The following SORCS2 variants were observed in gnomAD, a reference collection of about 807,000 sequenced individuals.
SORCS2 encodes VPS10 domain-containing receptor SorCS2.
Under a neutral mutation model 141.6 loss-of-function variants are expected in SORCS2, and 100 were observed. That is an observed-to-expected ratio of 0.71 (90% CI 0.60 to 0.83). The LOEUF (loss-of-function observed/expected upper bound fraction) is 0.83, where lower values mean the gene tolerates loss of function less well. Among genes scored for constraint, SORCS2 ranks in the 40% least tolerant of loss-of-function variants. The probability of loss-of-function intolerance (pLI) is 0.00; values close to 1 mark genes in which losing one functional copy is unlikely to be tolerated. For synonymous variants in SORCS2, 789 were observed against 676.9 expected (o/e 1.17, Z -2.57); for missense variants, 1,646 against 1,560.2 (o/e 1.05, Z -0.93).
At chr4:7,654,273 C>A in intron 5 of SORCS2, 66 bp downstream of exon 5, 2 of 1,478,852 alleles carry the variant, frequency 1.4e-6, no homozygotes, top group African/African-American at 1.4e-5. Context: ...TTCCCCCAAA[C>A]CCTTGGGAGC....
chr4:7,194,914 A>G (rs1727078978), intron 1 of SORCS2, among the ~76,000 whole-genome samples: 1 of 152,164 alleles, frequency 6.6e-6, no homozygotes, highest in South Asian at 2.1e-4. Context: ...TTTGTCATTT[A>G]GCTTCCTGGG....
At chr4:7,426,830 G>C (rs1030088678) in intron 2 of SORCS2, among the ~76,000 whole-genome samples, 3 of 152,210 alleles carry the variant, frequency 2.0e-5, no homozygotes, top group Admixed American at 6.5e-5. Context: ...AGTGAAGCCC[G>C]TGTTTCTCTG....
chr4:7,709,924 C>G (rs80353015), intron 14 of SORCS2, among the ~76,000 whole-genome samples: 11,606 of 152,172 alleles, frequency 0.076, 586 homozygotes, highest in East Asian at 0.27. Flanking sequence ...CCCCTCGCAG[C>G]GTGGCCCATT....
At chr4:7,698,482 C>T (rs900950444) in intron 12 of SORCS2, among the ~76,000 whole-genome samples, 40 of 152,222 alleles carry the variant, frequency 2.6e-4, no homozygotes, top group African/African-American at 9.2e-4. Context: ...TTCACTAAAA[C>T]TAGTGAAACA....
At chr4:7,690,390 T>C (rs1724158222) in intron 11 of SORCS2, among the ~76,000 whole-genome samples, 1 of 148,028 alleles carries the variant, frequency 6.8e-6, no homozygotes, top group Admixed American at 6.8e-5. Context: ...GAATGATGGA[T>C]AGATGCTGAA....
intron 11 of SORCS2, among the ~76,000 whole-genome samples, chr4:7,693,409 G>A (rs888216024): frequency 4.7e-4 from 71 of 152,148 alleles, no homozygotes; most frequent in African/African-American, 1.5e-3. Context: ...GCAGGTCCTC[G>A]GGTTCCTGCT....
intron 1 of SORCS2, among the ~76,000 whole-genome samples, chr4:7,387,729 C>T (rs993981700): frequency 5.8e-4 from 87 of 150,118 alleles, no homozygotes; most frequent in Admixed American, 1.1e-3. Flanking sequence ...CACACATACA[C>T]ATTTGCACAC....
chr4:7,270,231 C>T (rs1365648968), intron 1 of SORCS2, among the ~76,000 whole-genome samples: 2 of 152,264 alleles, frequency 1.3e-5, no homozygotes, highest in Non-Finnish European at 2.9e-5. Flanking sequence ...GGGGATGCTA[C>T]CTGTGAACGG....
At chr4:7,638,167 T>C (rs1352949894) in intron 3 of SORCS2, among the ~76,000 whole-genome samples, 161 bp from the exon 4 acceptor site, 1 of 152,158 alleles carries the variant, frequency 6.6e-6, no homozygotes, top group African/African-American at 2.4e-5. Context: ...TCCTCCCTGG[T>C]ATCAGGAGGT....
At chr4:7,659,289 G>GA (rs1215109826) in intron 5 of SORCS2, among the ~76,000 whole-genome samples, 212 of 138,502 alleles carry the variant, frequency 1.5e-3, no homozygotes, top group Admixed American at 4.8e-3. Flanking sequence ...AAAAAAAAAA[G>GA]AAAAAAAAAA....
chr4:7,262,261 TC>T (rs1318347721), intron 1 of SORCS2, among the ~76,000 whole-genome samples: 1 of 143,434 alleles, frequency 7.0e-6, no homozygotes, highest in Non-Finnish European at 1.5e-5. Flanking sequence ...CACCCACCTA[TC>T]CATCCACCCA....
chr4:7,253,350 T>G (rs1207920362), intron 1 of SORCS2, among the ~76,000 whole-genome samples: 1 of 152,224 alleles, frequency 6.6e-6, no homozygotes, highest in Non-Finnish European at 1.5e-5. Context: ...CCTGTGTCCC[T>G]GCCTGCCTCT....
chr4:7,629,583 T>G (rs1719747229), intron 3 of SORCS2, among the ~76,000 whole-genome samples: 1 of 138,230 alleles, frequency 7.2e-6, no homozygotes, highest in African/African-American at 2.7e-5. Flanking sequence ...CCCCACCCGC[T>G]GATCTCTGCA....
chr4:7,533,816 T>A (rs1711865330), intron 3 of SORCS2, among the ~76,000 whole-genome samples: 2 of 152,320 alleles, frequency 1.3e-5, no homozygotes, highest in South Asian at 4.2e-4. Context: ...CTCAGTTTCC[T>A]GGCCTGTAAA....
intron 3 of SORCS2, among the ~76,000 whole-genome samples, chr4:7,547,308 G>A (rs556724175): frequency 6.6e-6 from 1 of 152,210 alleles, no homozygotes; most frequent in African/African-American, 2.4e-5. Context: ...GCCTCCCCAC[G>A]GTCACCCTGG....
chr4:7,374,492 G>GT (rs918020039), intron 1 of SORCS2, among the ~76,000 whole-genome samples: 2 of 152,142 alleles, frequency 1.3e-5, no homozygotes, highest in Non-Finnish European at 2.9e-5. Flanking sequence ...GCCCTGGGAC[G>GT]TTCCCCAGAC....
intron 2 of SORCS2, among the ~76,000 whole-genome samples, chr4:7,492,281 A>G (rs528555819): frequency 2.0e-5 from 3 of 152,232 alleles, no homozygotes; most frequent in African/African-American, 4.8e-5. Flanking sequence ...CTCTGCTTCT[A>G]TGGATTCTGC....
At chr4:7,739,544 C>T (rs1445083252) in intron 26 of SORCS2, among the ~76,000 whole-genome samples, 1 of 152,224 alleles carries the variant, frequency 6.6e-6, no homozygotes, top group Non-Finnish European at 1.5e-5. Context: ...CCACGCCAGT[C>T]CTTTGAGGGG....
At chr4:7,599,190 G>C (rs1225246926) in intron 3 of SORCS2, among the ~76,000 whole-genome samples, 1 of 152,110 alleles carries the variant, frequency 6.6e-6, no homozygotes, top group African/African-American at 2.4e-5. Context: ...GATCTCCACA[G>C]CTCTTGAGTT....
Sources: gnomAD v4.1 joint callset for allele counts (sites outside exome capture counted in the v4.1 genomes callset) on GRCh38, gnomAD v4.1.1 for gene constraint, MANE v1.5 for transcripts, NCBI Gene and HGNC (gene_info 2026-07-23, HGNC 2026-07-21) for gene names.